Variants in PPOX observed in about 807,000 individuals in gnomAD.
The protein encoded by PPOX is variegate porphyria.
Under a neutral mutation model 54.1 loss-of-function variants are expected in PPOX, and 23 were observed. The ratio of observed to expected loss-of-function variants is 0.43; its 90% CI spans 0.31 to 0.60. PPOX has a LOEUF of 0.60. Ranked by LOEUF, PPOX falls within the 20% of genes least tolerant of loss-of-function variation. The pLI, the probability that PPOX is intolerant of heterozygous loss-of-function variation, is 0.13. For synonymous variants in PPOX, 224 were observed against 236.1 expected (o/e 0.95, Z 0.47); for missense variants, 512 against 601.1 (o/e 0.85, Z 1.55).
downstream of PPOX, chr1:161,171,644 G>T: frequency 1.1e-6 from 1 of 876,060 alleles, no homozygotes; most frequent in Non-Finnish European, 1.7e-6. Flanking sequence ...GGACCCCTCA[G>T]GTCTACAGGA....
chr1:161,175,476 G>C (rs1324859636), downstream of PPOX, among the ~76,000 whole-genome samples: 1 of 152,044 alleles, frequency 6.6e-6, no homozygotes, highest in Non-Finnish European at 1.5e-5. Context: ...TGTCTTACAG[G>C]GTTGGAAGCT....
At position 161,169,829 on chromosome 1, in the gene PPOX, A is replaced by G. The variant is rs1450617044; in HGVS notation, c.869-77A>G. The G allele has an allele frequency of 3.1e-6, 5 of 1,613,868 alleles. No individual in the cohort carries two copies. In the Admixed American group the frequency reaches 6.7e-5, roughly 22 times the overall value. On this transcript the variant is annotated intron_variant, in intron 8 of 12. Coordinates refer to ENST00000367999, the MANE Select transcript of PPOX (RefSeq NM_001122764.3). Reference sequence around the variant, plus strand: ...CCATGCCCCTGAACTGGTCATCTCTATGGGAGTCTAATCCCAAAGAGGACT... The same window carrying G: ...CCATGCCCCTGAACTGGTCATCTCTGTGGGAGTCTAATCCCAAAGAGGACT...
downstream of PPOX, chr1:161,172,547 G>C (rs1352385391): frequency 9.3e-6 from 5 of 539,610 alleles, no homozygotes; most frequent in Non-Finnish European, 1.6e-5. Context: ...AGTCACCCTA[G>C]GGCCTTTAAA....
rs931019023 is a variant in PPOX, at chr1:161,166,563, C to A, written c.-118C>A. The A allele has an allele frequency of 1.0e-4, 143 of 1,401,410 alleles. No individual in the cohort carries two copies. Among genetic ancestry groups the A allele is most frequent in the Non-Finnish European group, 1.3e-4 (137 of 1,078,104 alleles). The allele number at this position is 1,401,410 out of a possible 1,614,324, so 86.8% of individuals were successfully genotyped here. The stretch of plus-strand genomic sequence containing the variant: ...CCCGCCGCCCGAGCCCTGCGAGGGC[C>A]GATAGCGAGGGTGTGGCCCTTATCT... On this transcript the variant is annotated 5_prime_UTR_variant, in exon 1 of 13. Coordinates refer to ENST00000367999, the MANE Select transcript of PPOX (RefSeq NM_001122764.3).
intron 4 of PPOX, 33 bp from the exon 5 acceptor site, chr1:161,167,962 A>G: frequency 6.2e-7 from 1 of 1,613,766 alleles, no homozygotes; most frequent in Non-Finnish European, 8.5e-7. Context: ...GTATGTCAGG[A>G]GCTTCCCCCT....
At chr1:161,170,320 G>GC in intron 9 of PPOX, 89 bp from the exon 10 acceptor site, 3 of 494,792 alleles carry the variant, frequency 6.1e-6, no homozygotes, top group South Asian at 1.5e-5. Flanking sequence ...GTGAGACTCT[G>GC]TCCCCCCCAC....
At chr1:161,169,881 A>G in intron 8 of PPOX, 25 bp from the exon 9 acceptor site, 1 of 1,614,188 alleles carries the variant, frequency 6.2e-7, no homozygotes, top group Non-Finnish European at 8.5e-7. Flanking sequence ...ATGCCTTCTG[A>G]GTCAGGCCTC....
At chr1:161,176,538 G>C (rs1663587749) in intron 4 of PPOX, 1 of 441,538 alleles carries the variant, frequency 2.3e-6, no homozygotes. Flanking sequence ...AGAGGGCAGA[G>C]AAAGGCTCCA....
At chr1:161,172,215 C>T (rs758732350), downstream of PPOX, 16 of 1,613,614 alleles carry the variant, frequency 9.9e-6, no homozygotes, top group East Asian at 3.6e-4. Context: ...GGCAGTCCTT[C>T]CTTCTTCCTA....
At position 161,170,117 on chromosome 1, in the gene PPOX, G is replaced by A. The variant is rs1660637978; in HGVS notation, c.987+93G>A. 6.9e-6 allele frequency: 10 copies of A among 1,455,686 alleles called. No individual in the cohort carries two copies. In the South Asian group the frequency reaches 9.7e-5, roughly 14 times the overall value. The allele number at this position is 1,455,686 out of a possible 1,614,324, so 90.2% of individuals were successfully genotyped here. ...CGAGGTGGGCAGATAACAAGGTCAGGAGTTCGAGACCAGCCTGGCCAACAT... is the reference window on the plus strand; with the variant it reads ...CGAGGTGGGCAGATAACAAGGTCAGAAGTTCGAGACCAGCCTGGCCAACAT... On this transcript the variant is annotated intron_variant, in intron 9 of 12. Coordinates refer to ENST00000367999, the MANE Select transcript of PPOX (RefSeq NM_001122764.3).
chr1:161,166,789 G>T, intron 1 of PPOX, 51 bp from the exon 2 acceptor site: 1 of 1,603,990 alleles, frequency 6.2e-7, no homozygotes, highest in African/African-American at 1.3e-5. Flanking sequence ...GGGGCTTCTG[G>T]AGCGCAGGTT....
downstream of PPOX, chr1:161,176,171 AGG>A: frequency 7.4e-7 from 1 of 1,343,110 alleles, no homozygotes; most frequent in South Asian, 1.3e-5. Flanking sequence ...AGGGGTAAAG[AGG>A]AAAAAGCAGA....
Position 161,170,493 on chromosome 1 carries a change from G to A in PPOX, c.1072G>A (p.Gly358Arg), listed in dbSNP as rs374936130. Residue 358 changes from glycine (G) to arginine (R), a missense_variant, in exon 10 of 13, where the codon GGG (glycine) becomes AGG (arginine). Coordinates refer to ENST00000367999, the MANE Select transcript of PPOX (RefSeq NM_001122764.3). Reference sequence around the variant, plus strand: ...CTCAGTTGCTTTCCCTGAGCAGGACGGGAGCCCCCCTGGCCTCAGAGTGAC... The same window carrying A: ...CTCAGTTGCTTTCCCTGAGCAGGACAGGAGCCCCCCTGGCCTCAGAGTGAC... ...YDSVAFPEQD[G>R]SPPGLRVTVM... is the part of the protein sequence containing the mutation. 18 of 1,614,100 alleles carry A rather than the reference G, an allele frequency of 1.1e-5. No individual in the cohort carries two copies. Among genetic ancestry groups the A allele is most frequent in the African/African-American group, 2.7e-5 (2 of 74,936 alleles).
downstream of PPOX, chr1:161,175,011 G>A (rs1439641075): frequency 3.1e-6 from 5 of 1,613,606 alleles, no homozygotes; most frequent in Admixed American, 1.7e-5. Flanking sequence ...TGACATAGAT[G>A]CCATAAGCAA....
At chr1:161,177,904 T>A (rs1664139516), downstream of PPOX, 1 of 152,226 alleles carries the variant, frequency 6.6e-6, no homozygotes, top group Non-Finnish European at 1.5e-5. Flanking sequence ...AATTGTTCCT[T>A]ACGCAGGCTA....
downstream of PPOX, chr1:161,177,157 T>G (rs1455208754): frequency 7.4e-7 from 1 of 1,357,758 alleles, no homozygotes; most frequent in Non-Finnish European, 1.0e-6. Context: ...CAGGGGTGGC[T>G]GGAAGGGCTC....
Position 161,169,699 on chromosome 1 carries a change from A to G in PPOX, c.847A>G (p.Ile283Val), listed in dbSNP as rs1660461767. 1.2e-6 allele frequency: 2 copies of G among 1,614,070 alleles called. No individual in the cohort carries two copies. Among genetic ancestry groups the G allele is most frequent in the African/African-American group, 1.3e-5 (1 of 74,918 alleles). Residue 283 changes from isoleucine (I) to valine (V), a missense_variant, in exon 8 of 13, where the codon ATT (isoleucine) becomes GTT (valine). By Grantham distance (29) the Ile-to-Val change is conservative. Transcript: ENST00000367999. Reference protein sequence around the residue: ...RDSSLEADHVISAIPASVLSE... With the variant: ...RDSSLEADHVVSAIPASVLSE... ...CAGCAGTCTGGAGGCTGACCACGTT[A>G]TTAGTGCCATTCCAGCTTCAGGTAA...
At chr1:161,170,169 AC>A in intron 9 of PPOX, 145 bp downstream of exon 9, 1 of 1,091,932 alleles carries the variant, frequency 9.2e-7, no homozygotes, top group Non-Finnish European at 1.3e-6. Flanking sequence ...TACGAAAAAT[AC>A]AAAAATTAGC....
chr1:161,171,879 C>T (rs775492179), downstream of PPOX: 21 of 1,613,990 alleles, frequency 1.3e-5, no homozygotes, highest in Admixed American at 5.0e-5. Flanking sequence ...TGGCTGGGGG[C>T]CGGCGTTGCA....
Sources: gnomAD v4.1 joint callset for allele counts (sites outside exome capture counted in the v4.1 genomes callset) on GRCh38, gnomAD v4.1.1 for gene constraint, MANE v1.5 for transcripts, NCBI Gene and HGNC (gene_info 2026-07-23, HGNC 2026-07-21) for gene names.